Variants in SEMA6D observed in about 807,000 individuals in gnomAD.
SEMA6D encodes semaphorin-6D.
A neutral mutation model predicts 106.6 loss-of-function variants in SEMA6D; 35 were observed. That is an observed-to-expected ratio of 0.33 (90% CI 0.25 to 0.44). The LOEUF (loss-of-function observed/expected upper bound fraction) is 0.44. Ranked by LOEUF, SEMA6D falls within the 20% of genes least tolerant of loss-of-function variation. The pLI, the probability that SEMA6D is intolerant of heterozygous loss-of-function variation, is 1.00. For synonymous variants in SEMA6D, 499 were observed against 487.7 expected, an observed-to-expected ratio of 1.02 and a Z score of -0.31; for missense variants, 1,185 against 1,345.9, an observed-to-expected ratio of 0.88 and a Z score of 1.87.
intron 1 of SEMA6D, among the ~76,000 whole-genome samples, chr15:47,748,527 C>A (rs2081262853): frequency 6.6e-6 from 1 of 152,178 alleles, no homozygotes; most frequent in Non-Finnish European, 1.5e-5. Context: ...CATAGTATGA[C>A]TAGCTGTCCT....
intron 1 of SEMA6D, among the ~76,000 whole-genome samples, chr15:47,403,908 A>T: frequency 6.6e-6 from 1 of 152,184 alleles, no homozygotes; most frequent in East Asian, 1.9e-4. Context: ...TGACAAGGAT[A>T]ACCTTTAAAT....
At chr15:47,201,156 A>G (rs150015358) in intron 1 of SEMA6D, among the ~76,000 whole-genome samples, 96 of 152,362 alleles carry the variant, frequency 6.3e-4, no homozygotes, top group Non-Finnish European at 8.5e-4. Flanking sequence ...ATTTATTTCT[A>G]CATTATGCTT....
At position 47,409,481 on chromosome 15, in the gene SEMA6D, A is replaced by G. The variant is rs1321797899; in HGVS notation, c.-238-2912A>G. On this transcript the variant is annotated intron_variant, in intron 1 of 19. Transcript: ENST00000558014. ...TGATATCTCCCACATACTACAGAAT[A>G]TGGTAAACTCTCTGGACTTCAGTTC... 3.9e-5 allele frequency among the ~76,000 whole-genome samples: 6 copies of G among 152,214 alleles called. No homozygotes were observed. In the South Asian group the frequency reaches 8.3e-4, roughly 21 times the overall value.
intron 2 of SEMA6D, among the ~76,000 whole-genome samples, chr15:47,457,382 C>A (rs1380529056): frequency 2.0e-5 from 3 of 151,344 alleles, no homozygotes; most frequent in Non-Finnish European, 2.9e-5. Flanking sequence ...TAAGAAGATT[C>A]AGAAAAAAAA....
In SEMA6D at chr15:47,371,967, G is replaced by A. The variant is rs148044341; in HGVS notation, c.-238-40426G>A. ...AGCCAGGTCCAGTAACGTGTTTAAGGTCACACAACGTGTTAGTAGTTGAAG... is the reference window on the plus strand; with the variant it reads ...AGCCAGGTCCAGTAACGTGTTTAAGATCACACAACGTGTTAGTAGTTGAAG... On this transcript the variant is annotated intron_variant, in intron 1 of 19. Transcript: ENST00000558014. 7.9e-3 allele frequency among the ~76,000 whole-genome samples: 1,199 copies of A among 152,296 alleles called. 8 individuals are homozygous for A. The highest frequency in any genetic ancestry group is 0.017 in the Middle Eastern group (5 of 294).
chr15:47,636,790 A>G (rs748210401), intron 4 of SEMA6D, among the ~76,000 whole-genome samples: 3 of 152,184 alleles, frequency 2.0e-5, no homozygotes, highest in Non-Finnish European at 4.4e-5. Context: ...GGCCTGCAAT[A>G]CAGAAGGGCC....
At chr15:47,454,975 G>A (rs933880390) in intron 2 of SEMA6D, among the ~76,000 whole-genome samples, 2 of 151,862 alleles carry the variant, frequency 1.3e-5, no homozygotes, top group Non-Finnish European at 2.9e-5. Context: ...TGATAGAAGG[G>A]TTAATAATAC....
chr15:47,227,557 TCTCTCTCTCTCTCA>T (rs2031814569), intron 1 of SEMA6D, among the ~76,000 whole-genome samples: 1 of 79,134 alleles, frequency 1.3e-5, no homozygotes, highest in African/African-American at 3.9e-5. Flanking sequence ...TCTCTCTGTC[TCTCTCTCTCTCTCA>T]CACACACACA....
chr15:47,624,795 G>A (rs1163497741), intron 4 of SEMA6D, among the ~76,000 whole-genome samples: 2 of 152,156 alleles, frequency 1.3e-5, no homozygotes, highest in African/African-American at 4.8e-5. Flanking sequence ...GGCTGGGAAG[G>A]GAATTTTACC....
chr15:47,377,724 T>G (rs141631145), intron 1 of SEMA6D, among the ~76,000 whole-genome samples: 2 of 152,128 alleles, frequency 1.3e-5, no homozygotes, highest in East Asian at 1.9e-4. Context: ...TTGTCTGGAG[T>G]CTAGGAAGTA....
At chr15:47,342,406 T>C (rs1233089188) in intron 1 of SEMA6D, among the ~76,000 whole-genome samples, 1 of 152,246 alleles carries the variant, frequency 6.6e-6, no homozygotes, top group Non-Finnish European at 1.5e-5. Context: ...TAATGGGCAA[T>C]AACATCTTGT....
At chr15:47,547,354 T>G (rs925813868) in intron 3 of SEMA6D, among the ~76,000 whole-genome samples, 1 of 152,164 alleles carries the variant, frequency 6.6e-6, no homozygotes, top group Non-Finnish European at 1.5e-5. Flanking sequence ...GAGGCTTAAT[T>G]AATACTCACT....
chr15:47,255,201 T>G (rs1250465426), intron 1 of SEMA6D, among the ~76,000 whole-genome samples: 1 of 152,084 alleles, frequency 6.6e-6, no homozygotes, highest in Non-Finnish European at 1.5e-5. Flanking sequence ...AACTTACCAG[T>G]TTTTTCTAGA....
Position 47,771,719 on chromosome 15 carries a change from G to A in SEMA6D, c.3156G>A (p.Val1052=), listed in dbSNP as rs2082639848. 1.2e-6 allele frequency: 2 copies of A among 1,614,022 alleles called. No homozygotes were observed. Among genetic ancestry groups the A allele is most frequent in the African/African-American group, 2.7e-5 (2 of 75,022 alleles). Residue 1052 remains valine (V), a synonymous_variant, in exon 19 of 19, where the codon GTG becomes GTA. Coordinates refer to ENST00000536845, the MANE Select transcript of SEMA6D (RefSeq NM_001358351.3). ...LKRTPSLKPD[V]PPKPSFVPQT... ...GGACGCCGTCCTTAAAACCTGACGT[G>A]CCACCAAAGCCTTCCTTTGTTCCTC... is the stretch of plus-strand genomic sequence containing the variant.
chr15:47,759,783 T>C lies in SEMA6D; in HGVS notation c.-16T>C. 1 of 1,603,424 alleles carries C rather than the reference T, an allele frequency of 6.2e-7. No homozygotes were observed. Among genetic ancestry groups the C allele is most frequent in the Admixed American group, 1.7e-5 (1 of 59,982 alleles). On this transcript the variant is annotated 5_prime_UTR_variant, in exon 2 of 19. Coordinates refer to ENST00000536845, the MANE Select transcript of SEMA6D (RefSeq NM_001358351.3). ...ATTTCTGAGCAGGGGCCACCCTGAC[T>C]TCACCTTGGCCCACCATGAGGGTCT...
At chr15:47,622,725 G>A (rs1237650492) in intron 4 of SEMA6D, among the ~76,000 whole-genome samples, 1 of 152,118 alleles carries the variant, frequency 6.6e-6, no homozygotes, top group East Asian at 1.9e-4. Flanking sequence ...ATCCCCAAGG[G>A]GAGCTCTGGA....
At chr15:47,357,364 T>C (rs957207226) in intron 1 of SEMA6D, among the ~76,000 whole-genome samples, 5 of 151,920 alleles carry the variant, frequency 3.3e-5, no homozygotes, top group South Asian at 2.1e-4. Context: ...ATAAATAAAA[T>C]GGGACTGTGC....
chr15:47,726,622 C>A (rs748427812), intron 1 of SEMA6D, among the ~76,000 whole-genome samples: 20 of 152,278 alleles, frequency 1.3e-4, no homozygotes, highest in Non-Finnish European at 2.6e-4. Context: ...TACTTCACCT[C>A]TTTGAGACTC....
intron 2 of SEMA6D, among the ~76,000 whole-genome samples, chr15:47,458,581 G>C (rs1028218365): frequency 1.3e-5 from 2 of 151,900 alleles, no homozygotes; most frequent in Admixed American, 1.3e-4. Flanking sequence ...CCATGTATTA[G>C]GAAATGAAAT....
Sources: gnomAD v4.1 joint callset for allele counts (sites outside exome capture counted in the v4.1 genomes callset) on GRCh38, gnomAD v4.1.1 for gene constraint, MANE v1.5 for transcripts, NCBI Gene and HGNC (gene_info 2026-07-23, HGNC 2026-07-21) for gene names.